Variants in CNTNAP5 observed in about 807,000 individuals in gnomAD.
CNTNAP5 encodes contactin associated protein family member 5, also known as contactin-associated protein-like 5.
A neutral mutation model predicts 150.2 loss-of-function variants in CNTNAP5; 72 were observed. That is an observed-to-expected ratio of 0.48 (90% CI 0.40 to 0.58). The LOEUF (loss-of-function observed/expected upper bound fraction) is 0.58, where lower values mean the gene tolerates loss of function less well. Among genes scored for constraint, CNTNAP5 ranks in the 20% least tolerant of loss-of-function variants. The pLI, the probability that CNTNAP5 is intolerant of heterozygous loss-of-function variation, is 0.00. For missense variants in CNTNAP5, 1,636 were observed against 1,626.2 expected, an observed-to-expected ratio of 1.01 and a Z score of -0.10; for synonymous variants, 672 against 619.8, an observed-to-expected ratio of 1.08 and a Z score of -1.25.
chr2:124,194,090 G>A (rs954766339), intron 1 of CNTNAP5, among the ~76,000 whole-genome samples: 6 of 151,902 alleles, frequency 3.9e-5, no homozygotes, highest in Admixed American at 1.3e-4. Context: ...AGGCCTTGGC[G>A]GGCATATCCA....
At chr2:124,127,629 T>C (rs1392198857) in intron 1 of CNTNAP5, among the ~76,000 whole-genome samples, 1 of 152,110 alleles carries the variant, frequency 6.6e-6, no homozygotes, top group Non-Finnish European at 1.5e-5. Context: ...AGAACAAAGC[T>C]GGAGGCATCA....
intron 21 of CNTNAP5, among the ~76,000 whole-genome samples, chr2:124,897,561 C>A (rs1296698869): frequency 6.6e-6 from 1 of 151,472 alleles, no homozygotes; most frequent in Non-Finnish European, 1.5e-5. Context: ...TAGCTCAGAT[C>A]ATACACAGCA....
In CNTNAP5 at chr2:124,453,873, T is replaced by A. The variant is rs538097344; in HGVS notation, c.918+6936T>A. Among the ~76,000 whole-genome samples, 8 of 152,074 alleles carry A rather than the reference T, an allele frequency of 5.3e-5. No individual in the cohort carries two copies. The South Asian group carries it at 1.0e-3, about 20-fold the overall frequency. ...TACCAAGCCAGCATTACAAGAACTGTTAAAAGGAGCTCTAAATCTTGAAAC... is the reference window on the plus strand; with the variant it reads ...TACCAAGCCAGCATTACAAGAACTGATAAAAGGAGCTCTAAATCTTGAAAC... On this transcript the variant is annotated intron_variant, in intron 6 of 23. Coordinates refer to ENST00000682447, the MANE Select transcript of CNTNAP5 (RefSeq NM_001367498.1).
chr2:124,239,919 A>G (rs1251583742), intron 2 of CNTNAP5, among the ~76,000 whole-genome samples: 1 of 152,140 alleles, frequency 6.6e-6, no homozygotes, highest in Non-Finnish European at 1.5e-5. Flanking sequence ...ATGTACTCCT[A>G]GATCTGGCAT....
intron 8 of CNTNAP5, among the ~76,000 whole-genome samples, chr2:124,513,730 CAG>C (rs1491320630): frequency 6.6e-6 from 1 of 152,126 alleles, no homozygotes; most frequent in Non-Finnish European, 1.5e-5. Context: ...GAGTTATACT[CAG>C]GGGGGAGTAC....
intron 19 of CNTNAP5, among the ~76,000 whole-genome samples, chr2:124,805,960 T>A (rs931960550): frequency 6.6e-6 from 1 of 152,190 alleles, no homozygotes; most frequent in Non-Finnish European, 1.5e-5. Flanking sequence ...TGAATTACTT[T>A]GTTAGAGGCC....
At chr2:124,680,152 G>A (rs532278017) in intron 13 of CNTNAP5, among the ~76,000 whole-genome samples, 1 of 151,940 alleles carries the variant, frequency 6.6e-6, no homozygotes, top group East Asian at 1.9e-4. Flanking sequence ...TAATTTGTTT[G>A]AAGGTCAACC....
At chr2:124,518,756 G>A (rs1694786716) in intron 8 of CNTNAP5, among the ~76,000 whole-genome samples, 1 of 152,024 alleles carries the variant, frequency 6.6e-6, no homozygotes, top group African/African-American at 2.4e-5. Context: ...GGAGGCTGAG[G>A]TGGGTGGATC....
intron 12 of CNTNAP5, among the ~76,000 whole-genome samples, chr2:124,626,544 T>C (rs546453131): frequency 5.0e-4 from 76 of 152,228 alleles, no homozygotes; most frequent in African/African-American, 1.8e-3. Flanking sequence ...ACTATGCTTT[T>C]CCCATGGATT....
chr2:124,577,121 C>T (rs1573470728), intron 11 of CNTNAP5, among the ~76,000 whole-genome samples: 1 of 152,106 alleles, frequency 6.6e-6, no homozygotes, highest in East Asian at 1.9e-4. Context: ...TCTAACTTTC[C>T]TTAGTTAGTT....
At chr2:124,353,286 C>CAA (rs565907115) in intron 3 of CNTNAP5, among the ~76,000 whole-genome samples, 29 of 88,236 alleles carry the variant, frequency 3.3e-4, no homozygotes, top group Admixed American at 5.3e-4. Context: ...AAAAACAGAC[C>CAA]AAAAAAAAAA....
At chr2:124,153,120 A>G (rs932289743) in intron 1 of CNTNAP5, among the ~76,000 whole-genome samples, 6 of 152,218 alleles carry the variant, frequency 3.9e-5, no homozygotes, top group African/African-American at 1.2e-4. Context: ...TAGCATAATG[A>G]CATGATTTAA....
At chr2:124,422,609 A>T (rs1190521520) in intron 4 of CNTNAP5, among the ~76,000 whole-genome samples, 1 of 152,212 alleles carries the variant, frequency 6.6e-6, no homozygotes, top group Non-Finnish European at 1.5e-5. Flanking sequence ...CTTGGAGATA[A>T]CACATCCTAA....
At chr2:124,568,128 A>G (rs1025845286) in intron 11 of CNTNAP5, among the ~76,000 whole-genome samples, 16 of 152,306 alleles carry the variant, frequency 1.1e-4, no homozygotes, top group African/African-American at 3.6e-4. Flanking sequence ...CTGTATTACA[A>G]ACTTGGTGAT....
chr2:124,894,261 G>A (rs912709697), intron 21 of CNTNAP5, among the ~76,000 whole-genome samples: 4 of 147,482 alleles, frequency 2.7e-5, no homozygotes, highest in Non-Finnish European at 4.4e-5. Context: ...TTTTTTTGGT[G>A]TTCTTAACTT....
chr2:124,791,123 A>G (rs1681718540), intron 18 of CNTNAP5, among the ~76,000 whole-genome samples: 1 of 152,204 alleles, frequency 6.6e-6, no homozygotes, highest in Admixed American at 6.5e-5. Context: ...CATATCTTCG[A>G]AGCACCTTTA....
intron 3 of CNTNAP5, among the ~76,000 whole-genome samples, chr2:124,378,892 T>C (rs1690720282): frequency 6.6e-6 from 1 of 152,156 alleles, no homozygotes; most frequent in African/African-American, 2.4e-5. Context: ...ATGGAACAAG[T>C]TCACTTTGCA....
chr2:124,317,580 A>AT (rs879625212), intron 3 of CNTNAP5, among the ~76,000 whole-genome samples: 81 of 148,612 alleles, frequency 5.5e-4, no homozygotes, highest in Middle Eastern at 7.1e-3. Context: ...AAATCTCAGA[A>AT]TTTTTTTTTT....
intron 13 of CNTNAP5, among the ~76,000 whole-genome samples, chr2:124,649,316 A>G (rs1212570958): frequency 6.6e-6 from 1 of 152,036 alleles, no homozygotes; most frequent in Non-Finnish European, 1.5e-5. Flanking sequence ...GCCAGAGTCA[A>G]TGTTTATATT....
Sources: gnomAD v4.1 joint callset for allele counts (sites outside exome capture counted in the v4.1 genomes callset) on GRCh38, gnomAD v4.1.1 for gene constraint, MANE v1.5 for transcripts, NCBI Gene and HGNC (gene_info 2026-07-23, HGNC 2026-07-21) for gene names.